Variants in TBCK observed in about 807,000 individuals in gnomAD.
TBCK encodes TBC domain-containing protein kinase-like protein.
Under a neutral mutation model 113.4 loss-of-function variants are expected in TBCK, and 99 were observed. That is an observed-to-expected ratio of 0.87 (90% CI 0.74 to 1.03). The LOEUF (loss-of-function observed/expected upper bound fraction) is 1.03, where lower values mean the gene tolerates loss of function less well. TBCK is among the 50% of genes least tolerant of loss of function. TBCK has a pLI of 0.00. For missense variants in TBCK, 1,045 were observed against 1,061.3 expected (o/e 0.98, Z 0.21); for synonymous variants, 369 against 370.8 (o/e 1.00, Z 0.05).
At chr4:106,091,745 A>G (rs111413075) in intron 25 of TBCK, among the ~76,000 whole-genome samples, 6,277 of 152,182 alleles carry the variant, frequency 0.041, 435 homozygotes, top group African/African-American at 0.14. Context: ...AGCAAGATTT[A>G]CTGCAAAGAG....
rs1370194921 is a variant in TBCK at position 106,316,082 on chromosome 4, G to A, written c.-181C>T. On this transcript the variant is annotated 5_prime_UTR_variant, in exon 1 of 26. Transcript: ENST00000394708. ...TGCTCCTACAAAAGAGGCCACTCCT[G>A]GAACGCCGGGAGCTCAGACGCTGCC... 4.5e-5 allele frequency: 7 copies of A among 154,880 alleles called. No homozygotes were observed. The highest frequency in any genetic ancestry group is 1.4e-4 in the African/African-American group (6 of 41,650). The allele number at this position is 154,880 out of a possible 1,614,324, so 9.6% of individuals were successfully genotyped here. A position where few individuals can be genotyped will look rare whatever the true frequency, so the allele number is the denominator to read the frequency against.
intron 3 of TBCK, among the ~76,000 whole-genome samples, chr4:106,271,835 T>C (rs1304041713): frequency 2.0e-5 from 3 of 151,820 alleles, no homozygotes; most frequent in Admixed American, 6.6e-5. Context: ...AAAGAGCACA[T>C]TGATTTCTAG....
Position 106,267,996 on chromosome 4 carries a change from C to T in TBCK, c.267-5784G>A, listed in dbSNP as rs570792701. Among the ~76,000 whole-genome samples, 10 of 152,100 alleles carry T rather than the reference C, an allele frequency of 6.6e-5. No individual in the cohort carries two copies. In the South Asian group the frequency reaches 1.9e-3, roughly 28 times the overall value. On this transcript the variant is annotated intron_variant, in intron 3 of 25. Transcript: ENST00000394708. Reference sequence around the variant, plus strand: ...ACAGATAGTCTGTCACAATGAGACACTGCACAACCTATATTTACTTAAAAC... The same window carrying T: ...ACAGATAGTCTGTCACAATGAGACATTGCACAACCTATATTTACTTAAAAC...
At chr4:106,083,640 A>G (rs1447607468) in intron 25 of TBCK, among the ~76,000 whole-genome samples, 4 of 152,206 alleles carry the variant, frequency 2.6e-5, no homozygotes, top group African/African-American at 9.6e-5. Flanking sequence ...GGGTGAGACC[A>G]TCCAACAGGG....
In TBCK at chr4:106,113,583, T is replaced by C. The variant is rs138983244; in HGVS notation, c.2411+2620A>G. 4.4e-3 allele frequency among the ~76,000 whole-genome samples: 665 copies of C among 152,174 alleles called. 2 individuals carry two copies. Among genetic ancestry groups the C allele is most frequent in the Non-Finnish European group, 6.4e-3 (436 of 68,010 alleles). The stretch of plus-strand genomic sequence containing the variant: ...GATTCCAGCACGATCCATCAAACCT[T>C]ACCATAGCATGGCTAGGACCCAACC... On this transcript the variant is annotated intron_variant, in intron 24 of 25. Transcript: ENST00000394708.
chr4:106,083,250 A>T (rs1224300141), intron 25 of TBCK, among the ~76,000 whole-genome samples: 1 of 152,158 alleles, frequency 6.6e-6, no homozygotes, highest in Non-Finnish European at 1.5e-5. Flanking sequence ...TCCCTGCTGG[A>T]GCAAGGGAGG....
At chr4:106,285,441 A>G (rs1326853429) in intron 3 of TBCK, among the ~76,000 whole-genome samples, 5 of 152,154 alleles carry the variant, frequency 3.3e-5, no homozygotes, top group Non-Finnish European at 5.9e-5. Context: ...ACATTTCAGT[A>G]CAATATTGTT....
Position 106,141,329 on chromosome 4 carries a change from A to G in TBCK, c.2236-24951T>C, listed in dbSNP as rs1372566994. 3.5e-5 allele frequency among the ~76,000 whole-genome samples: 5 copies of G among 140,920 alleles called. 1 individual carries two copies. The highest frequency in any genetic ancestry group is 2.8e-4 in the Admixed American group (4 of 14,298). 92.4% of individuals were successfully genotyped at this position (140,920 alleles called of 152,430 possible). ...GTAATATGGCTGATAAAAAGTAATA[A>G]TGGTAATGGTGAAAACTTGCAGAGT... is the stretch of plus-strand genomic sequence containing the variant. On this transcript the variant is annotated intron_variant, in intron 23 of 25. Transcript: ENST00000394708.
At chr4:106,209,532 C>T (rs911748665) in intron 20 of TBCK, among the ~76,000 whole-genome samples, 3 of 152,096 alleles carry the variant, frequency 2.0e-5, no homozygotes, top group African/African-American at 7.2e-5. Flanking sequence ...ATATTTAAGT[C>T]TTCTAATGGA....
chr4:106,303,630 G>A (rs1767189429), intron 2 of TBCK, among the ~76,000 whole-genome samples: 2 of 152,120 alleles, frequency 1.3e-5, no homozygotes, highest in South Asian at 4.2e-4. Flanking sequence ...TGAGTTCTCA[G>A]CCATGATAGG....
At chr4:106,077,050 GAGA>G (rs1738274384) in intron 25 of TBCK, among the ~76,000 whole-genome samples, 1 of 152,118 alleles carries the variant, frequency 6.6e-6, no homozygotes, top group Non-Finnish European at 1.5e-5. Flanking sequence ...GCAGTGAGCT[GAGA>G]TTGTACTACT....
chr4:106,271,058 C>T (rs1360242789), intron 3 of TBCK, among the ~76,000 whole-genome samples: 3 of 152,074 alleles, frequency 2.0e-5, no homozygotes, highest in Non-Finnish European at 4.4e-5. Context: ...GCTTTGTCTC[C>T]AAATTTTAAT....
At chr4:106,183,540 C>T (rs1752651508) in intron 22 of TBCK, among the ~76,000 whole-genome samples, 1 of 151,966 alleles carries the variant, frequency 6.6e-6, no homozygotes, top group South Asian at 2.1e-4. Flanking sequence ...TACACTATGT[C>T]TTATTTATTT....
At chr4:106,181,307 A>G (rs888323523) in intron 22 of TBCK, among the ~76,000 whole-genome samples, 1 of 152,044 alleles carries the variant, frequency 6.6e-6, no homozygotes, top group African/African-American at 2.4e-5. Flanking sequence ...ATTTTCTCCC[A>G]TTCTGTAGGT....
At chr4:106,167,748 A>T (rs895943382) in intron 23 of TBCK, among the ~76,000 whole-genome samples, 7 of 151,782 alleles carry the variant, frequency 4.6e-5, no homozygotes, top group African/African-American at 1.7e-4. Flanking sequence ...TATGCCCATA[A>T]ATTTGATAGC....
intron 23 of TBCK, among the ~76,000 whole-genome samples, chr4:106,127,993 C>T (rs7658701): frequency 0.2 from 30,282 of 151,944 alleles, 3,423 homozygotes; most frequent in South Asian, 0.27. Context: ...GCACACACCA[C>T]CCCCACCCAG....
At chr4:106,275,864 A>T (rs1484741782) in intron 3 of TBCK, among the ~76,000 whole-genome samples, 1 of 152,152 alleles carries the variant, frequency 6.6e-6, no homozygotes, top group African/African-American at 2.4e-5. Flanking sequence ...CCATACATGC[A>T]ACGCAACCTC....
chr4:106,242,411 T>G (rs1760246743), intron 12 of TBCK, 59 bp downstream of exon 12: 1 of 1,291,462 alleles, frequency 7.7e-7, no homozygotes, highest in Non-Finnish European at 1.1e-6. Flanking sequence ...CTTGTGTATC[T>G]GTAAGGTTTT....
intron 13 of TBCK, 86 bp downstream of exon 13, chr4:106,236,673 T>C (rs986431128): frequency 5.8e-5 from 61 of 1,056,478 alleles, no homozygotes; most frequent in Admixed American, 1.1e-4. Flanking sequence ...TTAGGAAACA[T>C]TTTTCAAAGA....
Sources: gnomAD v4.1 joint callset for allele counts (sites outside exome capture counted in the v4.1 genomes callset) on GRCh38, gnomAD v4.1.1 for gene constraint, MANE v1.5 for transcripts, NCBI Gene and HGNC (gene_info 2026-07-23, HGNC 2026-07-21) for gene names.